Variants in PAK2 observed in about 807,000 individuals in gnomAD.
PAK2 encodes serine/threonine-protein kinase PAK 2.
PAK2 carries 21 observed loss-of-function variants against 65.9 expected under a neutral mutation model. The ratio of observed to expected loss-of-function variants is 0.32; its 90% CI spans 0.23 to 0.46. The LOEUF is 0.46. Ranked by LOEUF, PAK2 falls within the 20% of genes least tolerant of loss-of-function variation. The pLI is 1.00. For missense variants in PAK2, 324 were observed against 642.6 expected, an observed-to-expected ratio of 0.50 and a Z score of 5.36; for synonymous variants, 204 against 219.7, an observed-to-expected ratio of 0.93 and a Z score of 0.63.
chr3:196,758,979 AGGGAAAAAC>A (rs1315115084), intron 1 of PAK2, among the ~76,000 whole-genome samples: 1 of 152,184 alleles, frequency 6.6e-6, no homozygotes, highest in Non-Finnish European at 1.5e-5. Flanking sequence ...TTTCTTAAAA[AGGGAAAAAC>A]TTACACATTT....
intron 2 of PAK2, among the ~76,000 whole-genome samples, chr3:196,796,702 TTAAAAC>T (rs1355412681): frequency 6.6e-6 from 1 of 152,042 alleles, no homozygotes; most frequent in Non-Finnish European, 1.5e-5. Flanking sequence ...GAAATCTACT[TTAAAAC>T]ATAAAGCCAC....
intron 10 of PAK2, 148 bp from the exon 11 acceptor site, chr3:196,814,303 T>C (rs1377881328): frequency 1.7e-6 from 1 of 593,236 alleles, no homozygotes; most frequent in Non-Finnish European, 3.0e-6. Flanking sequence ...TGCTGTTACG[T>C]AGCAGCTTTC....
intron 1 of PAK2, among the ~76,000 whole-genome samples, chr3:196,742,336 C>T (rs1315475458): frequency 6.6e-6 from 1 of 152,108 alleles, no homozygotes; most frequent in Non-Finnish European, 1.5e-5. Context: ...CATCTGCCCG[C>T]CTCAGCCTCC....
chr3:196,767,254 T>A (rs1277173424), intron 1 of PAK2, among the ~76,000 whole-genome samples: 2 of 152,168 alleles, frequency 1.3e-5, no homozygotes, highest in African/African-American at 4.8e-5. Context: ...TCTTTTTGTA[T>A]TTTTGTGAGT....
intron 2 of PAK2, among the ~76,000 whole-genome samples, chr3:196,799,059 AT>A (rs1230876671): frequency 1.3e-5 from 2 of 152,096 alleles, no homozygotes; most frequent in African/African-American, 2.4e-5. Context: ...GCAAAAAAAA[AT>A]TTTTTTTAAG....
chr3:196,769,939 A>G (rs893487064), intron 1 of PAK2, among the ~76,000 whole-genome samples: 1 of 152,094 alleles, frequency 6.6e-6, no homozygotes, highest in African/African-American at 2.4e-5. Flanking sequence ...TGACTAAGGT[A>G]TCTCACTTGA....
chr3:196,820,717 GCT>G lies in PAK2; in HGVS notation c.1350+155_1350+156del. On this transcript the variant is annotated intron_variant, in intron 13 of 14. Transcript: ENST00000327134. The surrounding 1 kb of genome is among the most constrained non-coding windows in gnomAD (Gnocchi z 4.6). ...CTAACTCTGCATCTAGAAATCATTT[GCT>G]CTCTGAGTTACAAATTAATGTGTTA... 8 of 451,840 alleles carry G rather than the reference GCT, an allele frequency of 1.8e-5. 1 individual carries two copies. The South Asian group carries it at 4.2e-4, about 24-fold the overall frequency. 28.0% of individuals were successfully genotyped at this position (451,840 alleles called of 1,614,324 possible). A position where few individuals can be genotyped will look rare whatever the true frequency, so the allele number is the denominator to read the frequency against.
At chr3:196,792,683 C>G (rs984924220) in intron 2 of PAK2, among the ~76,000 whole-genome samples, 2 of 152,072 alleles carry the variant, frequency 1.3e-5, no homozygotes, top group Non-Finnish European at 2.9e-5. Flanking sequence ...ACTTATCAAA[C>G]AGCATGATTT....
At chr3:196,775,210 G>A (rs973837873) in intron 1 of PAK2, among the ~76,000 whole-genome samples, 32 of 152,206 alleles carry the variant, frequency 2.1e-4, no homozygotes, top group Non-Finnish European at 3.4e-4. Flanking sequence ...TAAAGGGTAC[G>A]TCATGTTAAT....
In PAK2 at chr3:196,761,789, AC is replaced by A. The variant is rs576315057; in HGVS notation, c.-21-20832del. Among the ~76,000 whole-genome samples the A allele has an allele frequency of 1.8e-4, 23 of 125,122 alleles. 1 individual carries two copies. The East Asian group carries it at 5.1e-3, about 28-fold the overall frequency. 82.1% of individuals were successfully genotyped at this position (125,122 alleles called of 152,430 possible). On this transcript the variant is annotated intron_variant, in intron 1 of 14. Coordinates refer to ENST00000327134, the MANE Select transcript of PAK2 (RefSeq NM_002577.4). The stretch of plus-strand genomic sequence containing the variant: ...GGGCGGCTGGCCGGGCGGGGGGCTG[AC>A]CCCCACCTCCCTCCCGGATGGGGCG...
rs761391530 is a variant in PAK2, at chr3:196,803,145, T to C, written c.417T>C (p.Tyr139=). 6.2e-7 allele frequency: 1 copy of C among 1,610,256 alleles called. No individual in the cohort carries two copies. Among genetic ancestry groups the C allele is most frequent in the Non-Finnish European group, 8.5e-7 (1 of 1,178,618 alleles). Residue 139 remains tyrosine (Y), a synonymous_variant, in exon 4 of 15, where the codon TAT becomes TAC. Coordinates refer to ENST00000327134, the MANE Select transcript of PAK2 (RefSeq NM_002577.4). ...FYDSNTVKQK[Y]LSFTPPEKDG... ...ACTCCAACACAGTGAAGCAGAAATA[T>C]CTGAGCTTTACTCCTCCTGGTAAGA...
At chr3:196,787,499 G>A (rs1026618278) in intron 2 of PAK2, among the ~76,000 whole-genome samples, 1 of 151,456 alleles carries the variant, frequency 6.6e-6, no homozygotes. Flanking sequence ...GAATGGTGTG[G>A]ACCCGGGAGG....
At chr3:196,758,686 G>C (rs944873318) in intron 1 of PAK2, among the ~76,000 whole-genome samples, 1 of 152,050 alleles carries the variant, frequency 6.6e-6, no homozygotes, top group South Asian at 2.1e-4. Flanking sequence ...AAAGTGTCTC[G>C]CTCTACTGCC....
chr3:196,759,557 T>C, intron 1 of PAK2, among the ~76,000 whole-genome samples: 1 of 132,816 alleles, frequency 7.5e-6, no homozygotes. Context: ...TCTTGCTCTG[T>C]CACCCAGGCT....
chr3:196,767,584 G>C (rs1292327264), intron 1 of PAK2, among the ~76,000 whole-genome samples: 1 of 150,758 alleles, frequency 6.6e-6, no homozygotes, highest in Non-Finnish European at 1.5e-5. Context: ...CGCCTCCCGG[G>C]TTCACGCCAT....
At chr3:196,787,881 G>C (rs548578160) in intron 2 of PAK2, among the ~76,000 whole-genome samples, 3 of 152,338 alleles carry the variant, frequency 2.0e-5, no homozygotes, top group African/African-American at 7.2e-5. Context: ...TTCGGCATTA[G>C]GAATGAGGGA....
intron 13 of PAK2, among the ~76,000 whole-genome samples, chr3:196,823,707 C>T (rs1711729237): frequency 6.7e-6 from 1 of 149,814 alleles, no homozygotes; most frequent in Admixed American, 6.7e-5. Flanking sequence ...ACTAAAAATA[C>T]AAAAATGAGC....
intron 2 of PAK2, among the ~76,000 whole-genome samples, chr3:196,795,007 A>G (rs1403774737): frequency 6.6e-6 from 1 of 152,186 alleles, no homozygotes; most frequent in Non-Finnish European, 1.5e-5. Context: ...TCCAATAAAA[A>G]CCAGACTAAA....
At chr3:196,743,537 C>T (rs1180022534) in intron 1 of PAK2, among the ~76,000 whole-genome samples, 1 of 152,048 alleles carries the variant, frequency 6.6e-6, no homozygotes, top group Non-Finnish European at 1.5e-5. Context: ...AGTCGATACT[C>T]CTAAACTTAG....
Sources: allele counts gnomAD v4.1 joint callset (sites outside exome capture counted in the v4.1 genomes callset), GRCh38; gene constraint gnomAD v4.1.1; non-coding constraint Gnocchi (gnomAD v3.1); transcripts MANE v1.5; gene names NCBI Gene and HGNC (gene_info 2026-07-23, HGNC 2026-07-21).